ROBO1: variants seen among roughly 807,000 people sequenced by gnomAD.
ROBO1 encodes the protein roundabout homolog 1.
A neutral mutation model predicts 195.9 loss-of-function variants in ROBO1; 149 were observed. The ratio of observed to expected loss-of-function variants is 0.76; its 90% CI spans 0.67 to 0.87. The LOEUF (loss-of-function observed/expected upper bound fraction) is 0.87, where lower values mean the gene tolerates loss of function less well. Ranked by LOEUF, ROBO1 falls within the 40% of genes least tolerant of loss-of-function variation. The pLI is 0.00. For missense variants in ROBO1, 1,933 were observed against 2,068.3 expected, an observed-to-expected ratio of 0.93 and a Z score of 1.27; for synonymous variants, 816 against 733.2, an observed-to-expected ratio of 1.11 and a Z score of -1.82.
In ROBO1 at chr3:79,383,572, T is replaced by C. The variant is rs115214155; in HGVS notation, c.88+206252A>G. 5.8e-3 allele frequency among the ~76,000 whole-genome samples: 887 copies of C among 152,178 alleles called. 12 individuals carry two copies. Among genetic ancestry groups the C allele is most frequent in the African/African-American group, 0.02 (835 of 41,554 alleles). ...TCTTTGTTCCTTTCAGTTTTGCTTT[T>C]CTTTAGGAACTGGAACGAAGCCACA... is the stretch of plus-strand genomic sequence containing the variant. On this transcript the variant is annotated intron_variant, in intron 2 of 30. Coordinates refer to ENST00000464233, the MANE Select transcript of ROBO1 (RefSeq NM_002941.4).
intron 2 of ROBO1, among the ~76,000 whole-genome samples, chr3:79,502,189 T>C (rs1022544549): frequency 1.1e-4 from 16 of 152,314 alleles, no homozygotes; most frequent in African/African-American, 3.8e-4. Context: ...GCCGCTGCAC[T>C]GTGGGAGCCC....
intron 3 of ROBO1, among the ~76,000 whole-genome samples, chr3:79,004,390 T>G (rs2108157368): frequency 6.6e-6 from 1 of 152,290 alleles, no homozygotes. Flanking sequence ...CCTAAATCAC[T>G]TATTAATTCA....
intron 4 of ROBO1, among the ~76,000 whole-genome samples, chr3:78,842,880 T>C (rs1157385594): frequency 1.3e-5 from 2 of 152,018 alleles, no homozygotes; most frequent in Non-Finnish European, 2.9e-5. Context: ...CTGATAATTT[T>C]ACATACTTTC....
intron 4 of ROBO1, among the ~76,000 whole-genome samples, chr3:78,860,326 ATTT>A (rs1553750391): frequency 1.1e-5 from 1 of 93,506 alleles, no homozygotes; most frequent in African/African-American, 4.5e-5. Flanking sequence ...ATATATATAT[ATTT>A]TTTTTTTTTT....
intron 4 of ROBO1, among the ~76,000 whole-genome samples, chr3:78,783,748 T>G (rs2083749824): frequency 6.6e-6 from 1 of 152,136 alleles, no homozygotes; most frequent in Admixed American, 6.5e-5. Context: ...AAAACAATGG[T>G]ATAAATCACA....
At chr3:79,253,813 G>A (rs560538160) in intron 2 of ROBO1, among the ~76,000 whole-genome samples, 1 of 152,270 alleles carries the variant, frequency 6.6e-6, no homozygotes, top group South Asian at 2.1e-4. Flanking sequence ...CTAAAGATGA[G>A]CATTCTGACT....
chr3:78,913,566 T>G (rs1051794575), intron 4 of ROBO1, among the ~76,000 whole-genome samples: 6 of 152,244 alleles, frequency 3.9e-5, no homozygotes, highest in Admixed American at 1.3e-4. Flanking sequence ...TCAAATATAA[T>G]CTCTCCTTTG....
At chr3:78,611,010 A>T (rs1208160773) in intron 28 of ROBO1, among the ~76,000 whole-genome samples, 2 of 152,160 alleles carry the variant, frequency 1.3e-5, no homozygotes, top group Non-Finnish European at 2.9e-5. Flanking sequence ...ATTGGATTTC[A>T]CAAATTGGAT....
At chr3:79,729,630 A>G (rs1014281224) in intron 1 of ROBO1, among the ~76,000 whole-genome samples, 2 of 152,182 alleles carry the variant, frequency 1.3e-5, no homozygotes, top group African/African-American at 4.8e-5. Flanking sequence ...GACTGCCTAA[A>G]GCTTATACAC....
intron 5 of ROBO1, among the ~76,000 whole-genome samples, chr3:78,727,384 T>C (rs1189868923): frequency 6.6e-6 from 1 of 152,134 alleles, no homozygotes; most frequent in African/African-American, 2.4e-5. Flanking sequence ...CCCAGCACTC[T>C]GGGAGGCCGA....
intron 2 of ROBO1, among the ~76,000 whole-genome samples, chr3:79,252,605 C>A (rs886885614): frequency 1.3e-5 from 2 of 152,142 alleles, no homozygotes; most frequent in Non-Finnish European, 2.9e-5. Context: ...TTTGTTACAG[C>A]AGCCCCAGGG....
chr3:79,733,952 C>CTTT (rs747730486), intron 1 of ROBO1, among the ~76,000 whole-genome samples: 1 of 138,788 alleles, frequency 7.2e-6, no homozygotes. Flanking sequence ...ATCCTCCCAT[C>CTTT]TTTTTTTTTT....
At chr3:79,628,586 A>G (rs1945251603) in intron 1 of ROBO1, among the ~76,000 whole-genome samples, 1 of 152,192 alleles carries the variant, frequency 6.6e-6, no homozygotes, top group Non-Finnish European at 1.5e-5. Context: ...CGTTCTGCAC[A>G]TGTATCCCAG....
intron 3 of ROBO1, among the ~76,000 whole-genome samples, chr3:79,084,848 G>T (rs1366644130): frequency 6.6e-6 from 1 of 152,076 alleles, no homozygotes; most frequent in Non-Finnish European, 1.5e-5. Flanking sequence ...ATTCTGATCA[G>T]AAAGGTGTAA....
At chr3:79,323,061 T>G (rs1387241667) in intron 2 of ROBO1, among the ~76,000 whole-genome samples, 1 of 151,854 alleles carries the variant, frequency 6.6e-6, no homozygotes, top group African/African-American at 2.4e-5. Context: ...GCTTACATGC[T>G]TCAAATTGTA....
At chr3:78,696,945 A>T (rs1182313963) in intron 8 of ROBO1, among the ~76,000 whole-genome samples, 5 of 151,744 alleles carry the variant, frequency 3.3e-5, no homozygotes, top group Non-Finnish European at 7.4e-5. Flanking sequence ...TTATTTCATC[A>T]CTTGAAATCT....
chr3:79,505,928 T>A (rs1179323697), intron 2 of ROBO1, among the ~76,000 whole-genome samples: 1 of 152,050 alleles, frequency 6.6e-6, no homozygotes, highest in Admixed American at 6.6e-5. Context: ...ATGACCACAG[T>A]GTATGTAGAT....
chr3:78,730,833 T>G (rs1455340047), intron 5 of ROBO1, among the ~76,000 whole-genome samples: 1 of 152,174 alleles, frequency 6.6e-6, no homozygotes, highest in Non-Finnish European at 1.5e-5. Flanking sequence ...AATTAAAATA[T>G]TTCTACATAC....
intron 2 of ROBO1, among the ~76,000 whole-genome samples, chr3:79,334,397 C>CTTG (rs2034582123): frequency 6.8e-6 from 1 of 147,110 alleles, no homozygotes; most frequent in African/African-American, 2.5e-5. Context: ...ACATTTCCAT[C>CTTG]TAATATATTA....
Sources: allele counts gnomAD v4.1 joint callset (sites outside exome capture counted in the v4.1 genomes callset), GRCh38; gene constraint gnomAD v4.1.1; transcripts MANE v1.5; gene names NCBI Gene and HGNC (gene_info 2026-07-23, HGNC 2026-07-21).